NR3C2: variants seen among roughly 807,000 people sequenced by gnomAD.
The protein encoded by NR3C2 is nuclear receptor subfamily 3 group C member 2.
In NR3C2, 15 loss-of-function variants were observed where a neutral mutation model predicts 86.4. The ratio of observed to expected loss-of-function variants is 0.17; its 90% CI spans 0.12 to 0.27. NR3C2 has a LOEUF of 0.27. NR3C2 is among the 10% of genes least tolerant of loss of function. NR3C2 has a pLI of 1.00. For missense variants in NR3C2, 960 were observed against 1,195.6 expected (o/e 0.80, Z 2.91); for synonymous variants, 458 against 450.5 (o/e 1.02, Z -0.21).
chr4:148,152,536 T>C lies in NR3C2; in HGVS notation c.2443A>G (p.Ser815Gly), dbSNP rs1293456013. ...TTCGTATGTTTGTACGATCTCCAGC[T>C]CAAGGCAAATGATGATAGACACATC... is the stretch of plus-strand genomic sequence containing the variant. ...SWMCLSSFALSWRSYKHTNSQ... is the reference protein window; with the variant it reads ...SWMCLSSFALGWRSYKHTNSQ... Residue 815 changes from serine to glycine, a missense_variant, in exon 6 of 9, where the codon AGC (serine) becomes GGC (glycine). Ser to Gly is a moderately conservative substitution (Grantham distance 56, BLOSUM62 0). This residue lies in a region of NR3C2 where 151 missense variants were observed against 296.3 expected (regional missense o/e 0.51). Transcript: ENST00000358102. The C allele has an allele frequency of 2.5e-6, 4 of 1,614,132 alleles. No individual in the cohort carries two copies. Among genetic ancestry groups the C allele is most frequent in the Admixed American group, 1.7e-5 (1 of 60,022 alleles).
At chr4:148,420,263 T>C (rs758279530) in intron 2 of NR3C2, among the ~76,000 whole-genome samples, 1 of 152,180 alleles carries the variant, frequency 6.6e-6, no homozygotes, top group Non-Finnish European at 1.5e-5. Flanking sequence ...AAAGAAACTA[T>C]AGGATGACAC....
At chr4:148,180,421 G>A (rs1735593776) in intron 4 of NR3C2, among the ~76,000 whole-genome samples, 1 of 146,528 alleles carries the variant, frequency 6.8e-6, no homozygotes. Context: ...CCTCCTTCCT[G>A]TTCAGGGATA....
chr4:148,320,735 T>G (rs888517055), intron 2 of NR3C2, among the ~76,000 whole-genome samples: 43 of 152,132 alleles, frequency 2.8e-4, no homozygotes, highest in African/African-American at 9.9e-4. Context: ...CCCTTTATCA[T>G]TTTTTTATTG....
Position 148,135,552 on chromosome 4 carries a change from G to A in NR3C2, c.2511-15264C>T, listed in dbSNP as rs576341835. Among the ~76,000 whole-genome samples the A allele has an allele frequency of 1.2e-4, 18 of 152,232 alleles. 1 individual carries two copies. The South Asian group carries it at 2.9e-3, about 25-fold the overall frequency. ...TTGTTTATACATTACTAAGTCTCACGTACTTTGCGAACAGTGGCACTAACA... is the reference window on the plus strand; with the variant it reads ...TTGTTTATACATTACTAAGTCTCACATACTTTGCGAACAGTGGCACTAACA... On this transcript the variant is annotated intron_variant, in intron 6 of 8. Coordinates refer to ENST00000358102, the MANE Select transcript of NR3C2 (RefSeq NM_000901.5).
chr4:148,217,898 T>C (rs1737625151), intron 3 of NR3C2, among the ~76,000 whole-genome samples: 1 of 152,184 alleles, frequency 6.6e-6, no homozygotes. Context: ...TTGTAGCCAC[T>C]AGTGAGAACT....
At chr4:148,442,498 C>T (rs898600530), upstream of NR3C2, 2 of 290,130 alleles carry the variant, frequency 6.9e-6, no homozygotes, top group East Asian at 1.7e-4. Context: ...GGGGAGTGGG[C>T]CAGCTGGAGG....
chr4:148,171,615 T>C (rs1458365729), intron 4 of NR3C2, among the ~76,000 whole-genome samples: 2 of 152,220 alleles, frequency 1.3e-5, no homozygotes, highest in African/African-American at 4.8e-5. Context: ...GAGAATCTAA[T>C]GTGGCTGCTG....
chr4:148,100,046 A>C (rs890091917), intron 8 of NR3C2, among the ~76,000 whole-genome samples: 1 of 152,242 alleles, frequency 6.6e-6, no homozygotes, highest in Non-Finnish European at 1.5e-5. Context: ...CTTCAAAACT[A>C]GCTGTGAACA....
intron 3 of NR3C2, among the ~76,000 whole-genome samples, chr4:148,199,590 G>A (rs1736613003): frequency 6.6e-6 from 1 of 152,160 alleles, no homozygotes. Flanking sequence ...GAGGAAAACT[G>A]TACCCCTGCA....
intron 4 of NR3C2, among the ~76,000 whole-genome samples, chr4:148,164,299 TA>T (rs144081965): frequency 6.6e-6 from 1 of 152,112 alleles, no homozygotes; most frequent in African/African-American, 2.4e-5. Context: ...TCAGTCTGTA[TA>T]AAAAAATAGA....
At chr4:148,312,686 T>C (rs903193758) in intron 2 of NR3C2, among the ~76,000 whole-genome samples, 2 of 152,194 alleles carry the variant, frequency 1.3e-5, no homozygotes, top group African/African-American at 4.8e-5. Context: ...ATACTCTCCC[T>C]GTTAAATAAT....
chr4:148,424,408 T>C (rs528375299), intron 2 of NR3C2, among the ~76,000 whole-genome samples: 1 of 152,298 alleles, frequency 6.6e-6, no homozygotes, highest in Admixed American at 6.5e-5. Context: ...ATTACCCCTA[T>C]TGTATATTCT....
At position 148,081,320 on chromosome 4, in the gene NR3C2, A is replaced by C; in HGVS notation, c.*24T>G. 1 of 1,614,184 alleles carries C rather than the reference A, an allele frequency of 6.2e-7. No individual in the cohort carries two copies. Among genetic ancestry groups the C allele is most frequent in the South Asian group, 1.1e-5 (1 of 91,076 alleles). On this transcript the variant is annotated 3_prime_UTR_variant, in exon 9 of 9. Coordinates refer to ENST00000358102, the MANE Select transcript of NR3C2 (RefSeq NM_000901.5). ...GGAACAACACAGGGAAACTTAAGGCAAAGTTCTTCTGGGCAGCGGGCAGTC... is the reference window on the plus strand; with the variant it reads ...GGAACAACACAGGGAAACTTAAGGCCAAGTTCTTCTGGGCAGCGGGCAGTC...
intron 8 of NR3C2, among the ~76,000 whole-genome samples, chr4:148,084,370 A>C (rs1323721908): frequency 6.6e-6 from 1 of 152,226 alleles, no homozygotes; most frequent in African/African-American, 2.4e-5. Context: ...AATATTCAAC[A>C]TTCTTAAAAG....
chr4:148,156,204 A>G (rs1734379425), intron 4 of NR3C2, among the ~76,000 whole-genome samples: 2 of 152,354 alleles, frequency 1.3e-5, no homozygotes, highest in South Asian at 4.1e-4. Context: ...AGGCATGGGC[A>G]AGGACTTCAT....
intron 2 of NR3C2, among the ~76,000 whole-genome samples, chr4:148,346,887 T>A (rs1309352110): frequency 3.3e-5 from 5 of 152,094 alleles, no homozygotes. Context: ...TAACTGAAGT[T>A]TGGAAGAGTA....
intron 8 of NR3C2, among the ~76,000 whole-genome samples, chr4:148,102,211 TC>T (rs1216483646): frequency 6.6e-6 from 1 of 152,130 alleles, no homozygotes; most frequent in East Asian, 1.9e-4. Flanking sequence ...CCACAGTGTT[TC>T]CTCTGGACCC....
At chr4:148,331,148 C>T (rs1374482262) in intron 2 of NR3C2, among the ~76,000 whole-genome samples, 1 of 151,810 alleles carries the variant, frequency 6.6e-6, no homozygotes, top group Non-Finnish European at 1.5e-5. Context: ...AGATCTAATC[C>T]CAAACTTTGT....
intron 6 of NR3C2, among the ~76,000 whole-genome samples, chr4:148,141,439 C>CTT (rs1733604440): frequency 6.7e-6 from 1 of 149,640 alleles, no homozygotes; most frequent in African/African-American, 2.5e-5. Flanking sequence ...CTCTCTCTCC[C>CTT]TCTCTCTCAC....
Sources: allele counts gnomAD v4.1 joint callset (sites outside exome capture counted in the v4.1 genomes callset), GRCh38; gene constraint gnomAD v4.1.1; regional missense constraint gnomAD v4.1.1; transcripts MANE v1.5; gene names NCBI Gene and HGNC (gene_info 2026-07-23, HGNC 2026-07-21).